Variants in SLC4A4 observed in about 807,000 individuals in gnomAD.
SLC4A4 encodes electrogenic sodium bicarbonate cotransporter 1.
In SLC4A4, 27 loss-of-function variants were observed where a neutral mutation model predicts 111.5. That is an observed-to-expected ratio of 0.24 (90% CI 0.18 to 0.33). SLC4A4 has a LOEUF of 0.33. Among genes scored for constraint, SLC4A4 ranks in the 10% least tolerant of loss-of-function variants. The pLI is 1.00. For missense variants in SLC4A4, 909 were observed against 1,315.5 expected (o/e 0.69, Z 4.78); for synonymous variants, 443 against 463.4 (o/e 0.96, Z 0.57).
intron 2 of SLC4A4, among the ~76,000 whole-genome samples, chr4:71,178,846 T>A (rs1321611085): frequency 6.6e-6 from 1 of 152,206 alleles, no homozygotes; most frequent in East Asian, 1.9e-4. Flanking sequence ...CCTCCCTAAC[T>A]CATTTTATGA....
intron 6 of SLC4A4, among the ~76,000 whole-genome samples, chr4:71,391,593 G>C (rs1423787977): frequency 5.3e-5 from 8 of 152,026 alleles, no homozygotes. Context: ...TGAAAATGAA[G>C]TTGTTTTTGA....
intron 8 of SLC4A4, among the ~76,000 whole-genome samples, chr4:71,446,666 G>C (rs918165206): frequency 6.6e-6 from 1 of 152,198 alleles, no homozygotes; most frequent in Admixed American, 6.5e-5. Context: ...TAAATAAAGT[G>C]ATGAATGTGA....
chr4:71,562,285 G>A (rs1053015444), intron 23 of SLC4A4, among the ~76,000 whole-genome samples: 2 of 151,632 alleles, frequency 1.3e-5, no homozygotes, highest in Non-Finnish European at 3.0e-5. Context: ...TTTAGAGTAC[G>A]TCTGTGCAGT....
chr4:71,564,964 G>A (rs953248749), intron 24 of SLC4A4, among the ~76,000 whole-genome samples: 5 of 151,746 alleles, frequency 3.3e-5, no homozygotes, highest in East Asian at 2.0e-4. Flanking sequence ...TGAGATTGCC[G>A]TCAGAGCTGT....
Position 71,563,896 on chromosome 4 carries a change from A to G in SLC4A4, c.3196+7A>G, listed in dbSNP as rs1737215661. 1.3e-6 allele frequency: 2 copies of G among 1,547,550 alleles called. No homozygotes were observed. Among genetic ancestry groups the G allele is most frequent in the Non-Finnish European group, 1.8e-6 (2 of 1,120,244 alleles). On this transcript the variant is annotated splice_region_variant and intron_variant, in intron 24 of 25. Coordinates refer to ENST00000264485, the MANE Select transcript of SLC4A4 (RefSeq NM_001098484.3). ...GATAGCAAACCTTCTGACAGTGAGTAGAACTAACCTCTTGCATGCTTGCTT... is the reference window on the plus strand; with the variant it reads ...GATAGCAAACCTTCTGACAGTGAGTGGAACTAACCTCTTGCATGCTTGCTT...
At chr4:71,278,898 C>T (rs572307605) in intron 3 of SLC4A4, among the ~76,000 whole-genome samples, 2 of 152,040 alleles carry the variant, frequency 1.3e-5, no homozygotes, top group South Asian at 4.1e-4. Flanking sequence ...AAAATATTTT[C>T]TCCCATTCCA....
At chr4:71,262,770 T>TG (rs1042539628) in intron 3 of SLC4A4, among the ~76,000 whole-genome samples, 6 of 152,170 alleles carry the variant, frequency 3.9e-5, no homozygotes, top group African/African-American at 1.4e-4. Context: ...TCCTTTTTTT[T>TG]TTTCTAGCAA....
chr4:71,537,064 G>A (rs978692938), intron 18 of SLC4A4, among the ~76,000 whole-genome samples: 4 of 151,488 alleles, frequency 2.6e-5, no homozygotes, highest in Non-Finnish European at 4.4e-5. Context: ...TACTTGGATA[G>A]TTTATCAGAA....
At chr4:71,089,709 G>C (rs1742319277) in intron 1 of SLC4A4, among the ~76,000 whole-genome samples, 1 of 152,030 alleles carries the variant, frequency 6.6e-6, no homozygotes, top group Non-Finnish European at 1.5e-5. Context: ...CTGCAGAACA[G>C]TGGATATTGG....
intron 2 of SLC4A4, among the ~76,000 whole-genome samples, chr4:71,143,498 AT>A (rs1744069718): frequency 6.6e-6 from 1 of 151,938 alleles, no homozygotes; most frequent in South Asian, 2.1e-4. Context: ...GGTATTTCTA[AT>A]TCTAGATCCC....
intron 2 of SLC4A4, among the ~76,000 whole-genome samples, chr4:71,142,985 A>C (rs1386209392): frequency 1.3e-5 from 2 of 151,838 alleles, no homozygotes; most frequent in East Asian, 1.9e-4. Flanking sequence ...TTTAGGGTAC[A>C]TGTGCACAAC....
chr4:71,555,639 A>G (rs1254653723), intron 21 of SLC4A4, among the ~76,000 whole-genome samples: 1 of 151,950 alleles, frequency 6.6e-6, no homozygotes, highest in Non-Finnish European at 1.5e-5. Flanking sequence ...CAATAATCAA[A>G]AGTTTTTTTA....
chr4:71,339,326 G>C (rs1728696590), intron 3 of SLC4A4, 44 bp from the exon 4 acceptor site: 1 of 1,613,994 alleles, frequency 6.2e-7, no homozygotes, highest in Admixed American at 1.7e-5. Context: ...CTTTCCTCAG[G>C]GTTGTCCAGC....
intron 12 of SLC4A4, among the ~76,000 whole-genome samples, chr4:71,457,705 G>A (rs1726413186): frequency 6.6e-6 from 1 of 151,958 alleles, no homozygotes; most frequent in African/African-American, 2.4e-5. Context: ...TAAATAACGT[G>A]TCCCCTTCAT....
intron 1 of SLC4A4, among the ~76,000 whole-genome samples, chr4:71,231,217 G>T (rs1448512726): frequency 6.6e-6 from 1 of 152,220 alleles, no homozygotes; most frequent in Non-Finnish European, 1.5e-5. Context: ...GTGTGCTGGC[G>T]GCCTGCCACG....
At chr4:71,202,890 G>T (rs1237652522) in intron 1 of SLC4A4, among the ~76,000 whole-genome samples, 1 of 152,116 alleles carries the variant, frequency 6.6e-6, no homozygotes, top group Non-Finnish European at 1.5e-5. Flanking sequence ...TTTCTGAGTT[G>T]AGCAATCTGT....
chr4:71,093,282 C>T (rs1742439275), intron 2 of SLC4A4, among the ~76,000 whole-genome samples: 1 of 150,608 alleles, frequency 6.6e-6, no homozygotes, highest in South Asian at 2.1e-4. Context: ...ATTCTCCTGC[C>T]TCAGCCTCCC....
At chr4:71,287,204 T>C (rs1723981540) in intron 3 of SLC4A4, among the ~76,000 whole-genome samples, 1 of 152,234 alleles carries the variant, frequency 6.6e-6, no homozygotes, top group African/African-American at 2.4e-5. Context: ...AAAGCCATGC[T>C]ATACAACTCA....
intron 1 of SLC4A4, among the ~76,000 whole-genome samples, chr4:71,072,345 G>A (rs758203767): frequency 6.6e-5 from 10 of 152,012 alleles, no homozygotes; most frequent in Non-Finnish European, 1.2e-4. Context: ...TTCCTCCACT[G>A]GTGTGCAAAG....
Sources: gnomAD v4.1 joint callset for allele counts (sites outside exome capture counted in the v4.1 genomes callset) on GRCh38, gnomAD v4.1.1 for gene constraint, MANE v1.5 for transcripts, NCBI Gene and HGNC (gene_info 2026-07-23, HGNC 2026-07-21) for gene names.